The following CAPZA1 variants were observed in gnomAD, a reference collection of about 807,000 sequenced individuals.
CAPZA1 encodes F-actin-capping protein subunit alpha-1.
In CAPZA1, 10 loss-of-function variants were observed where a neutral mutation model predicts 40.8. That is an observed-to-expected ratio of 0.25 (90% CI 0.15 to 0.42). The LOEUF (loss-of-function observed/expected upper bound fraction) is 0.42, where lower values mean the gene tolerates loss of function less well. Among genes scored for constraint, CAPZA1 ranks in the 10% least tolerant of loss-of-function variants. The probability of loss-of-function intolerance (pLI) is 1.00; values close to 1 mark genes in which losing one functional copy is unlikely to be tolerated. For missense variants in CAPZA1, 277 were observed against 353.8 expected (o/e 0.78, Z 1.74); for synonymous variants, 98 against 115.0 (o/e 0.85, Z 0.95).
chr1:112,627,045 T>G (rs12130243), intron 1 of CAPZA1, among the ~76,000 whole-genome samples: 30,028 of 152,254 alleles, frequency 0.2, 3,804 homozygotes, highest in East Asian at 0.47. Flanking sequence ...CACAACATCC[T>G]TATAGGACAG....
At chr1:112,632,396 G>A (rs376201941) in intron 1 of CAPZA1, among the ~76,000 whole-genome samples, 7 of 152,188 alleles carry the variant, frequency 4.6e-5, no homozygotes, top group African/African-American at 1.7e-4. Flanking sequence ...CCAATAAGCA[G>A]AGTTGGGGAG....
chr1:112,641,218 T>TA (rs60734941), intron 1 of CAPZA1, among the ~76,000 whole-genome samples: 54 of 145,346 alleles, frequency 3.7e-4, no homozygotes, highest in Admixed American at 1.1e-3. Flanking sequence ...GAATGATCAA[T>TA]AAAAAAAAAA....
At chr1:112,649,561 A>G in intron 3 of CAPZA1, 92 bp downstream of exon 3, 1 of 1,041,404 alleles carries the variant, frequency 9.6e-7, no homozygotes, top group East Asian at 2.4e-5. Context: ...CAAAGTTTAA[A>G]ATACTTCAAA....
intron 7 of CAPZA1, 32 bp from the exon 8 acceptor site, chr1:112,667,042 C>T (rs754520130): frequency 2.6e-6 from 4 of 1,521,450 alleles, no homozygotes; most frequent in Non-Finnish European, 3.6e-6. Context: ...TATGAACTTC[C>T]CCTAAAAAGG....
chr1:112,619,924 G>A (rs1269290585), intron 1 of CAPZA1, 41 bp downstream of exon 1: 3 of 1,544,038 alleles, frequency 1.9e-6, no homozygotes, highest in Non-Finnish European at 2.7e-6. Flanking sequence ...TCCCCCGACA[G>A]GGAACTGGGG....
rs569390196 is a variant in CAPZA1 at position 112,633,316 on chromosome 1, A to G, written c.39+13433A>G. ...TGACATAGGCTTTTTTAGATTCTGC[A>G]TATCTTATAGTGAGATCATACAGTA... is the stretch of plus-strand genomic sequence containing the variant. On this transcript the variant is annotated intron_variant, in intron 1 of 9. Coordinates refer to ENST00000263168, the MANE Select transcript of CAPZA1 (RefSeq NM_006135.3). Among the ~76,000 whole-genome samples the G allele has an allele frequency of 2.0e-5, 3 of 151,666 alleles. No individual in the cohort carries two copies. In the East Asian group the frequency reaches 5.8e-4, roughly 29 times the overall value.
chr1:112,660,836 GT>G (rs1440646898), intron 7 of CAPZA1, among the ~76,000 whole-genome samples: 2 of 126,870 alleles, frequency 1.6e-5, no homozygotes, highest in Non-Finnish European at 3.3e-5. Context: ...ACCAAGAGTT[GT>G]CTTTTTTTTT....
intron 5 of CAPZA1, among the ~76,000 whole-genome samples, chr1:112,657,069 T>C (rs1671513261): frequency 6.6e-6 from 1 of 151,960 alleles, no homozygotes. Flanking sequence ...ACCTGGCTAA[T>C]TTTTGTATTT....
chr1:112,643,891 C>G (rs1211163080), intron 1 of CAPZA1, among the ~76,000 whole-genome samples: 3 of 149,834 alleles, frequency 2.0e-5, no homozygotes, highest in Non-Finnish European at 4.4e-5. Flanking sequence ...GTCGCCCAAG[C>G]TGGATTGCAG....
chr1:112,638,944 A>G (rs887886250), intron 1 of CAPZA1, among the ~76,000 whole-genome samples: 9 of 130,542 alleles, frequency 6.9e-5, no homozygotes, highest in South Asian at 6.8e-4. Flanking sequence ...ATAGGTATAG[A>G]TATAGAGATA....
At chr1:112,627,715 CT>C (rs1247858411) in intron 1 of CAPZA1, among the ~76,000 whole-genome samples, 1 of 145,220 alleles carries the variant, frequency 6.9e-6, no homozygotes, top group Non-Finnish European at 1.5e-5. Context: ...CACTTTGGGA[CT>C]TTGGGAGGCT....
chr1:112,649,374 C>T lies in CAPZA1; in HGVS notation c.104-44C>T, dbSNP rs774493077. 1.5e-5 allele frequency: 22 copies of T among 1,482,916 alleles called. No homozygotes were observed. In the East Asian group the frequency reaches 5.0e-4, roughly 34 times the overall value. The allele number at this position is 1,482,916 out of a possible 1,614,324, so 91.9% of individuals were successfully genotyped here. A position where few individuals can be genotyped will look rare whatever the true frequency, so the allele number is the denominator to read the frequency against. On this transcript the variant is annotated intron_variant, in intron 2 of 9. Coordinates refer to ENST00000263168, the MANE Select transcript of CAPZA1 (RefSeq NM_006135.3). ...AATCTAGAAATCTGCTAAAATTTCT[C>T]AAATTTATCCTCCACTGAACATTGT...
chr1:112,670,767 C>A lies in CAPZA1; in HGVS notation c.*635C>A, dbSNP rs2101197656. 6.5e-6 allele frequency: 1 copy of A among 152,792 alleles called. No individual in the cohort carries two copies. Among genetic ancestry groups the A allele is most frequent in the South Asian group, 2.1e-4 (1 of 4,832 alleles). 9.5% of individuals were successfully genotyped at this position (152,792 alleles called of 1,614,324 possible). On this transcript the variant is annotated 3_prime_UTR_variant, in exon 10 of 10. Transcript: ENST00000263168. The stretch of plus-strand genomic sequence containing the variant: ...TTGTTTTTAAATCCAAAGACTTGAA[C>A]CACATTCCCTGCACATGAACATGTT...
At chr1:112,620,121 G>T (rs999957706) in intron 1 of CAPZA1, 1 of 448,518 alleles carries the variant, frequency 2.2e-6, no homozygotes, top group Admixed American at 4.0e-5. Flanking sequence ...CAGCCCAGGG[G>T]CCTCCCTGCA....
At chr1:112,637,925 A>G (rs1160330593) in intron 1 of CAPZA1, among the ~76,000 whole-genome samples, 2 of 152,156 alleles carry the variant, frequency 1.3e-5, no homozygotes, top group African/African-American at 4.8e-5. Flanking sequence ...AAACGCTGTG[A>G]CTCCCAAAGC....
intron 5 of CAPZA1, among the ~76,000 whole-genome samples, chr1:112,656,541 C>A: frequency 7.5e-6 from 1 of 133,036 alleles, no homozygotes; most frequent in East Asian, 2.5e-4. Context: ...AAAGGGGAGA[C>A]ATGATAGACT....
intron 1 of CAPZA1, among the ~76,000 whole-genome samples, chr1:112,637,416 C>A (rs1671042201): frequency 6.6e-6 from 1 of 152,234 alleles, no homozygotes. Context: ...GCCAGTGGGC[C>A]AAATCCAGTC....
intron 1 of CAPZA1, among the ~76,000 whole-genome samples, chr1:112,643,974 A>T (rs1671231664): frequency 1.3e-5 from 2 of 151,886 alleles, no homozygotes; most frequent in Admixed American, 1.3e-4. Flanking sequence ...CCTCTCAAGT[A>T]GCTGGGATTA....
intron 7 of CAPZA1, among the ~76,000 whole-genome samples, chr1:112,661,088 C>T (rs1671598086): frequency 6.6e-6 from 1 of 151,998 alleles, no homozygotes; most frequent in African/African-American, 2.4e-5. Context: ...GAACTCCTGA[C>T]CTCAGGTGAG....
Sources: allele counts gnomAD v4.1 joint callset (sites outside exome capture counted in the v4.1 genomes callset), GRCh38; gene constraint gnomAD v4.1.1; transcripts MANE v1.5; gene names NCBI Gene and HGNC (gene_info 2026-07-23, HGNC 2026-07-21).